The following VIT variants were observed in gnomAD, a reference collection of about 807,000 sequenced individuals.
VIT encodes the protein vitrin.
A neutral mutation model predicts 78.0 loss-of-function variants in VIT; 99 were observed. The ratio of observed to expected loss-of-function variants is 1.27; its 90% CI spans 1.08 to 1.50. The LOEUF (loss-of-function observed/expected upper bound fraction) is 1.50. Among genes scored for constraint, VIT ranks in the 40% most tolerant of loss-of-function variants. VIT has a pLI of 0.00. For synonymous variants in VIT, 374 were observed against 334.3 expected, an observed-to-expected ratio of 1.12 and a Z score of -1.29; for missense variants, 1,126 against 875.3, an observed-to-expected ratio of 1.29 and a Z score of -3.61.
intron 4 of VIT, among the ~76,000 whole-genome samples, chr2:36,751,349 T>A (rs931128263): frequency 2.6e-5 from 4 of 152,170 alleles, no homozygotes; most frequent in Admixed American, 6.5e-5. Context: ...TGAGCTGAGA[T>A]CTCGCCACTG....
intron 3 of VIT, among the ~76,000 whole-genome samples, chr2:36,733,881 T>A (rs1667350972): frequency 6.6e-6 from 1 of 152,194 alleles, no homozygotes. Flanking sequence ...AAAAGCTTGA[T>A]CATCTAACCG....
chr2:36,751,269 G>C (rs1326991176), intron 4 of VIT, among the ~76,000 whole-genome samples: 5 of 151,998 alleles, frequency 3.3e-5, no homozygotes, highest in Admixed American at 3.3e-4. Context: ...GGTGGTGGGT[G>C]CCTATAATGC....
At chr2:36,809,461 A>G (rs1042783855) in intron 15 of VIT, among the ~76,000 whole-genome samples, 5 of 152,226 alleles carry the variant, frequency 3.3e-5, no homozygotes, top group African/African-American at 1.2e-4. Context: ...TCAGTCGTCC[A>G]GGCTGTAGTG....
rs1005677713 is a variant in VIT, at chr2:36,814,481, T to C, written c.*120T>C. 2 of 1,197,968 alleles carry C rather than the reference T, an allele frequency of 1.7e-6. No individual in the cohort carries two copies. The highest frequency in any genetic ancestry group is 2.3e-6 in the Non-Finnish European group (2 of 879,436). 74.2% of individuals were successfully genotyped at this position (1,197,968 alleles called of 1,614,324 possible). ...CTTGGGCAGGGCATGGAGAAACAAA[T>C]GTCTTGTTATTATTCTTTGCCATCA... is the stretch of plus-strand genomic sequence containing the variant. On this transcript the variant is annotated 3_prime_UTR_variant, in exon 16 of 16. Coordinates refer to ENST00000379242, the MANE Select transcript of VIT (RefSeq NM_053276.4).
At chr2:36,807,897 T>C (rs989337906) in intron 14 of VIT, among the ~76,000 whole-genome samples, 3 of 152,194 alleles carry the variant, frequency 2.0e-5, no homozygotes, top group African/African-American at 7.2e-5. Flanking sequence ...CAGGGGGTTA[T>C]GATTCCACCT....
Position 36,743,101 on chromosome 2 carries a change from T to G in VIT, c.120T>G (p.Thr40=), listed in dbSNP as rs1558531964. ...TTTGACCTCATTTTGTATTCCCAGC[T>G]GTGCCTCAGATCAACTGCGATGTCA... ...TAKKIKRPKF[T]VPQINCDVKA... Residue 40 remains threonine (T), a splice_region_variant and synonymous_variant, in exon 4 of 16, where the codon ACT becomes ACG. Coordinates refer to ENST00000379242, the MANE Select transcript of VIT (RefSeq NM_053276.4). The G allele has an allele frequency of 1.2e-6, 2 of 1,614,020 alleles. No individual in the cohort carries two copies. Among genetic ancestry groups the G allele is most frequent in the Non-Finnish European group, 1.7e-6 (2 of 1,179,918 alleles).
At position 36,804,700 on chromosome 2, in the gene VIT, C is replaced by T. The variant is rs1254469085; in HGVS notation, c.1163-738C>T. On this transcript the variant is annotated intron_variant, in intron 13 of 15. Transcript: ENST00000379242. ...CAAAAATTAGCTGGGTGTGGTGGTG[C>T]GTGCCTGTAGTCCCAGCTACTTGGC... 3.3e-5 allele frequency among the ~76,000 whole-genome samples: 5 copies of T among 152,004 alleles called. No individual in the cohort carries two copies. In the South Asian group the frequency reaches 6.2e-4, roughly 19 times the overall value.
chr2:36,742,977 G>C, intron 3 of VIT, 123 bp from the exon 4 acceptor site: 1 of 1,192,980 alleles, frequency 8.4e-7, no homozygotes, highest in Non-Finnish European at 1.2e-6. Context: ...ATAGGGAGGG[G>C]ATGTAGAGTC....
chr2:36,771,367 A>G (rs780381770), intron 7 of VIT, among the ~76,000 whole-genome samples: 1 of 152,096 alleles, frequency 6.6e-6, no homozygotes, highest in Admixed American at 6.5e-5. Flanking sequence ...CTCTACTAAA[A>G]ATACAAAAAT....
intron 3 of VIT, among the ~76,000 whole-genome samples, chr2:36,737,794 G>A (rs537590019): frequency 2.3e-3 from 352 of 152,314 alleles, no homozygotes; most frequent in Non-Finnish European, 3.9e-3. Flanking sequence ...GTAGCAACTT[G>A]TAAGTAATCC....
chr2:36,734,547 G>C (rs1010084827), intron 3 of VIT, among the ~76,000 whole-genome samples: 4 of 152,096 alleles, frequency 2.6e-5, no homozygotes, highest in Non-Finnish European at 4.4e-5. Flanking sequence ...ATAATCAAAG[G>C]CTGACCAAGT....
At chr2:36,799,154 C>T (rs998570507) in intron 12 of VIT, among the ~76,000 whole-genome samples, 6 of 152,134 alleles carry the variant, frequency 3.9e-5, no homozygotes, top group African/African-American at 9.7e-5. Flanking sequence ...GTAAATAAGC[C>T]ACCCTCTGGG....
intron 12 of VIT, 121 bp from the exon 13 acceptor site, chr2:36,801,180 G>T: frequency 1.1e-6 from 1 of 879,484 alleles, no homozygotes; most frequent in Non-Finnish European, 1.8e-6. Context: ...ATTTTACAAG[G>T]CATAGCAGAA....
At chr2:36,804,452 C>T (rs915837780) in intron 13 of VIT, among the ~76,000 whole-genome samples, 1 of 152,198 alleles carries the variant, frequency 6.6e-6, no homozygotes, top group Non-Finnish European at 1.5e-5. Context: ...CAGGTCAACT[C>T]CTCCCACCCT....
At chr2:36,746,263 T>A (rs1258174123) in intron 4 of VIT, among the ~76,000 whole-genome samples, 1 of 152,082 alleles carries the variant, frequency 6.6e-6, no homozygotes, top group African/African-American at 2.4e-5. Context: ...TGGTCTGTAG[T>A]TTTATTTTTT....
intron 2 of VIT, among the ~76,000 whole-genome samples, chr2:36,726,440 T>G (rs2148475805): frequency 6.6e-6 from 1 of 152,382 alleles, no homozygotes; most frequent in African/African-American, 2.4e-5. Context: ...AATATTATAC[T>G]TTTGTATTCA....
chr2:36,770,869 C>A (rs1669704091), intron 7 of VIT, among the ~76,000 whole-genome samples: 1 of 152,142 alleles, frequency 6.6e-6, no homozygotes. Context: ...AAGGGTAGAC[C>A]AGGGAGGGGA....
intron 13 of VIT, among the ~76,000 whole-genome samples, chr2:36,803,002 G>A (rs73924905): frequency 0.027 from 4,138 of 152,304 alleles, 159 homozygotes; most frequent in African/African-American, 0.094. Flanking sequence ...ATCACTTTCT[G>A]AATTTTGCCA....
At chr2:36,710,365 C>T (rs866350399) in intron 1 of VIT, among the ~76,000 whole-genome samples, 63 of 152,250 alleles carry the variant, frequency 4.1e-4, no homozygotes, top group African/African-American at 1.5e-3. Context: ...TTAGTGGGTT[C>T]TAGTGAAAAC....
Sources: gnomAD v4.1 joint callset for allele counts (sites outside exome capture counted in the v4.1 genomes callset) on GRCh38, gnomAD v4.1.1 for gene constraint, MANE v1.5 for transcripts, NCBI Gene and HGNC (gene_info 2026-07-23, HGNC 2026-07-21) for gene names.